The following CWC27 variants were observed in gnomAD, a reference collection of about 807,000 sequenced individuals.
CWC27 encodes spliceosome-associated protein CWC27 homolog.
A neutral mutation model predicts 63.6 loss-of-function variants in CWC27; 47 were observed. The ratio of observed to expected loss-of-function variants is 0.74; its 90% CI spans 0.58 to 0.94. CWC27 has a LOEUF of 0.94. CWC27 is among the 40% of genes least tolerant of loss of function. CWC27 has a pLI of 0.00. For synonymous variants in CWC27, 175 were observed against 179.8 expected, an observed-to-expected ratio of 0.97 and a Z score of 0.22; for missense variants, 495 against 554.3, an observed-to-expected ratio of 0.89 and a Z score of 1.07.
intron 10 of CWC27, 116 bp from the exon 11 acceptor site, chr5:64,885,327 G>GA: frequency 6.3e-6 from 4 of 633,524 alleles, no homozygotes; most frequent in Middle Eastern, 4.5e-4. Context: ...CAAAATGAAT[G>GA]AATTACATTA....
chr5:64,874,757 T>C (rs114358204), intron 10 of CWC27, among the ~76,000 whole-genome samples: 2,519 of 152,082 alleles, frequency 0.017, 67 homozygotes, highest in African/African-American at 0.058. Context: ...ATATTGCCCT[T>C]GATTTCTAGT....
chr5:64,876,660 A>C (rs1746801097), intron 10 of CWC27, among the ~76,000 whole-genome samples: 1 of 152,090 alleles, frequency 6.6e-6, no homozygotes, highest in Non-Finnish European at 1.5e-5. Context: ...TTTAAATGTG[A>C]ATATTAGAGA....
intron 10 of CWC27, among the ~76,000 whole-genome samples, chr5:64,840,840 T>G (rs1251163317): frequency 2.6e-5 from 4 of 152,064 alleles, no homozygotes; most frequent in Non-Finnish European, 5.9e-5. Flanking sequence ...ATCAAGGCAT[T>G]GGGAATGGCT....
chr5:65,009,085 C>T lies in CWC27; in HGVS notation c.1257-9074C>T, dbSNP rs189020797. ...CACCAGGATCTGCTTCTGGTGAGGG[C>T]CTCAGGCTGCTTCCACTCATGGTAG... is the stretch of plus-strand genomic sequence containing the variant. On this transcript the variant is annotated intron_variant, in intron 13 of 13. Coordinates refer to ENST00000381070, the MANE Select transcript of CWC27 (RefSeq NM_005869.4). Among the ~76,000 whole-genome samples, 1,099 of 152,204 alleles carry T rather than the reference C, an allele frequency of 7.2e-3. 12 individuals carry two copies. The highest frequency in any genetic ancestry group is 0.02 in the Middle Eastern group (6 of 294).
At chr5:65,005,038 T>G (rs1302623998) in intron 13 of CWC27, among the ~76,000 whole-genome samples, 1 of 151,482 alleles carries the variant, frequency 6.6e-6, no homozygotes, top group Non-Finnish European at 1.5e-5. Context: ...GTCTGTTGAG[T>G]TCCTCAGTGA....
chr5:64,993,770 G>C (rs569321408), intron 13 of CWC27, among the ~76,000 whole-genome samples: 7 of 152,056 alleles, frequency 4.6e-5, no homozygotes, highest in Non-Finnish European at 8.8e-5. Context: ...AAAGTTCCTT[G>C]GGATTAGCAT....
intron 11 of CWC27, among the ~76,000 whole-genome samples, chr5:64,915,235 G>A (rs972198960): frequency 1.3e-5 from 2 of 152,128 alleles, no homozygotes; most frequent in Non-Finnish European, 2.9e-5. Context: ...TTTTGGAAGT[G>A]GTAGTATGGG....
intron 11 of CWC27, among the ~76,000 whole-genome samples, chr5:64,908,164 G>C (rs1225336543): frequency 1.3e-5 from 2 of 152,166 alleles, no homozygotes; most frequent in Non-Finnish European, 2.9e-5. Context: ...CTCAGGAGCA[G>C]GTTGTTTAGT....
intron 10 of CWC27, among the ~76,000 whole-genome samples, chr5:64,870,096 T>C (rs1746631689): frequency 6.6e-6 from 1 of 152,072 alleles, no homozygotes; most frequent in South Asian, 2.1e-4. Context: ...CATATATCAG[T>C]GTAGTTCCCA....
At chr5:64,942,468 GA>G (rs1748503975) in intron 11 of CWC27, among the ~76,000 whole-genome samples, 1 of 125,010 alleles carries the variant, frequency 8.0e-6, no homozygotes, top group Non-Finnish European at 1.7e-5. Context: ...AAAGATAAAA[GA>G]AAAACATTGC....
In CWC27 at chr5:64,977,150, A is replaced by G. The variant is rs367948278; in HGVS notation, c.1168A>G (p.Asn390Asp). 3 of 1,609,560 alleles carry G rather than the reference A, an allele frequency of 1.9e-6. No homozygotes were observed. Among genetic ancestry groups the G allele is most frequent in the Non-Finnish European group, 2.5e-6 (3 of 1,177,288 alleles). Residue 390 changes from asparagine (N) to aspartate (D), a missense_variant, in exon 13 of 14, where the codon AAC (asparagine) becomes GAC (aspartate). Asn to Asp is a conservative substitution (Grantham distance 23, BLOSUM62 1). Coordinates refer to ENST00000381070, the MANE Select transcript of CWC27 (RefSeq NM_005869.4). ...SREDQTLALL[N>D]QFKSKLTQAI... ...GTTATTTCAGACCCTTGCACTGCTG[A>G]ACCAGTTTAAATCTAAACTCACTCA...
chr5:64,824,278 TAA>T (rs1329414044), intron 10 of CWC27, among the ~76,000 whole-genome samples: 1 of 152,200 alleles, frequency 6.6e-6, no homozygotes, highest in Non-Finnish European at 1.5e-5. Context: ...GCATTGGTAA[TAA>T]AGTCTTCCTC....
chr5:64,989,177 G>C (rs1316667092), intron 13 of CWC27, among the ~76,000 whole-genome samples: 1 of 152,148 alleles, frequency 6.6e-6, no homozygotes, highest in Non-Finnish European at 1.5e-5. Flanking sequence ...CCATTCTCTT[G>C]GGGCCACAGC....
chr5:64,951,367 T>C (rs1748706111), intron 11 of CWC27, among the ~76,000 whole-genome samples: 1 of 152,010 alleles, frequency 6.6e-6, no homozygotes, highest in African/African-American at 2.4e-5. Context: ...GGTTGTCTTT[T>C]GTTATTTTAA....
At chr5:64,965,258 T>A (rs1748991644) in intron 11 of CWC27, among the ~76,000 whole-genome samples, 1 of 152,232 alleles carries the variant, frequency 6.6e-6, no homozygotes, top group African/African-American at 2.4e-5. Flanking sequence ...TTTGAGTTCT[T>A]AACTTCTATT....
chr5:64,921,662 G>C (rs555497243), intron 11 of CWC27, among the ~76,000 whole-genome samples: 2 of 152,062 alleles, frequency 1.3e-5, no homozygotes, highest in African/African-American at 4.8e-5. Flanking sequence ...TTACATTCAG[G>C]GTCAATATTG....
chr5:64,852,387 A>G (rs1746152939), intron 10 of CWC27, among the ~76,000 whole-genome samples: 1 of 152,226 alleles, frequency 6.6e-6, no homozygotes, highest in Non-Finnish European at 1.5e-5. Context: ...ATTTTTGCTG[A>G]CAGCATTTAT....
rs1374000946 is a variant in CWC27 at position 64,858,004 on chromosome 5, A to G, written c.939-27439A>G. On this transcript the variant is annotated intron_variant, in intron 10 of 13. Coordinates refer to ENST00000381070, the MANE Select transcript of CWC27 (RefSeq NM_005869.4). ...TACAAAAAAATTAGCCGGGCGTGGT[A>G]GCGGGCGCCTGTAGTCCCAGCTACT... Among the ~76,000 whole-genome samples, 61 of 143,370 alleles carry G rather than the reference A, an allele frequency of 4.3e-4. No individual in the cohort carries two copies. In the East Asian group the frequency reaches 0.01, roughly 24 times the overall value. The allele number at this position is 143,370 out of a possible 152,430, so 94.1% of individuals were successfully genotyped here.
intron 10 of CWC27, among the ~76,000 whole-genome samples, chr5:64,859,572 G>A (rs1746348133): frequency 6.6e-6 from 1 of 152,172 alleles, no homozygotes; most frequent in Non-Finnish European, 1.5e-5. Flanking sequence ...GGCAAACACA[G>A]TATAAGAATT....
Sources: allele counts gnomAD v4.1 joint callset (sites outside exome capture counted in the v4.1 genomes callset), GRCh38; gene constraint gnomAD v4.1.1; transcripts MANE v1.5; gene names NCBI Gene and HGNC (gene_info 2026-07-23, HGNC 2026-07-21).